Variants in ADAMTS9 observed in about 807,000 individuals in gnomAD.
ADAMTS9 encodes ADAM metallopeptidase with thrombospondin type 1 motif 9, also known as A disintegrin and metalloproteinase with thrombospondin motifs 9.
ADAMTS9 carries 107 observed loss-of-function variants against 257.1 expected under a neutral mutation model. That is an observed-to-expected ratio of 0.42 (90% CI 0.36 to 0.49). The LOEUF (loss-of-function observed/expected upper bound fraction) is 0.49, where lower values mean the gene tolerates loss of function less well. Among genes scored for constraint, ADAMTS9 ranks in the 20% least tolerant of loss-of-function variants. ADAMTS9 has a pLI of 0.03. For synonymous variants in ADAMTS9, 982 were observed against 880.9 expected (o/e 1.11, Z -2.03); for missense variants, 2,353 against 2,469.1 (o/e 0.95, Z 1.00).
chr3:64,567,541 C>T (rs17726803), intron 29 of ADAMTS9, among the ~76,000 whole-genome samples: 50,115 of 151,998 alleles, frequency 0.33, 8,836 homozygotes, highest in Non-Finnish European at 0.39. Flanking sequence ...TTGATATGAA[C>T]GGCTTTAGTT....
intron 28 of ADAMTS9, chr3:64,589,658 AC>A (rs1330875370): frequency 6.6e-6 from 1 of 152,122 alleles, no homozygotes; most frequent in Non-Finnish European, 1.5e-5. Context: ...TCATACAGGG[AC>A]CCTCCTTACC....
At chr3:64,549,091 C>G (rs2083238356) in intron 31 of ADAMTS9, among the ~76,000 whole-genome samples, 1 of 152,184 alleles carries the variant, frequency 6.6e-6, no homozygotes. Flanking sequence ...AGAGAGGATG[C>G]TGGTGCCAGT....
At chr3:64,562,623 A>T (rs371905890) in intron 29 of ADAMTS9, among the ~76,000 whole-genome samples, 1 of 152,320 alleles carries the variant, frequency 6.6e-6, no homozygotes, top group Middle Eastern at 3.4e-3. Context: ...GTATATTATT[A>T]CACTTAGCTA....
At chr3:64,593,628 A>G (rs1482512814) in intron 28 of ADAMTS9, among the ~76,000 whole-genome samples, 1 of 152,228 alleles carries the variant, frequency 6.6e-6, no homozygotes, top group Non-Finnish European at 1.5e-5. Context: ...GACTAGGACC[A>G]AAGCAAAAAA....
chr3:64,568,913 T>A (rs1391284220), intron 28 of ADAMTS9: 3 of 184,038 alleles, frequency 1.6e-5, no homozygotes, highest in African/African-American at 7.2e-5. Flanking sequence ...CTGACTGGGA[T>A]AAAGGTGCAT....
At chr3:64,613,227 G>A in intron 22 of ADAMTS9, 118 bp downstream of exon 22, 1 of 1,223,526 alleles carries the variant, frequency 8.2e-7, no homozygotes. Flanking sequence ...CCATGGAGGT[G>A]TCCTGCATGC....
chr3:64,624,274 C>T (rs1420931732), intron 16 of ADAMTS9, among the ~76,000 whole-genome samples: 2 of 131,720 alleles, frequency 1.5e-5, no homozygotes, highest in East Asian at 4.3e-4. Flanking sequence ...AAAAGAGAGA[C>T]AAAGAAAGAA....
chr3:64,683,213 G>A (rs1044445878), intron 2 of ADAMTS9, among the ~76,000 whole-genome samples: 10 of 152,166 alleles, frequency 6.6e-5, no homozygotes, highest in South Asian at 2.1e-4. Context: ...GAAAGAGCCA[G>A]GGAGCTCAGC....
chr3:64,566,121 A>T (rs1477189556), intron 29 of ADAMTS9, among the ~76,000 whole-genome samples: 2 of 152,186 alleles, frequency 1.3e-5, no homozygotes, highest in African/African-American at 4.8e-5. Flanking sequence ...GAAAGACCAG[A>T]TATAAAATCT....
At chr3:64,624,315 GAA>G (rs1700177638) in intron 16 of ADAMTS9, among the ~76,000 whole-genome samples, 1 of 151,140 alleles carries the variant, frequency 6.6e-6, no homozygotes, top group East Asian at 1.9e-4. Context: ...GGGAAGAAAA[GAA>G]AAAAGAAAAC....
chr3:64,588,287 T>C (rs1254927678), intron 28 of ADAMTS9: 1 of 152,162 alleles, frequency 6.6e-6, no homozygotes, highest in African/African-American at 2.4e-5. Flanking sequence ...ATTTGTTTAG[T>C]ATTGATTTAA....
At chr3:64,572,071 C>G (rs1179243382) in intron 28 of ADAMTS9, among the ~76,000 whole-genome samples, 1 of 135,050 alleles carries the variant, frequency 7.4e-6, no homozygotes, top group African/African-American at 3.1e-5. Context: ...CCTACTTTGC[C>G]AATAGGACTC....
chr3:64,622,227 G>A lies in ADAMTS9; in HGVS notation c.2657C>T (p.Pro886Leu). 1.2e-6 allele frequency: 2 copies of A among 1,613,770 alleles called. No individual in the cohort carries two copies. The highest frequency in any genetic ancestry group is 1.1e-5 in the South Asian group (1 of 91,036). ...GCAGGGTTTACTGCATGCTTGCCAT[G>A]GCCCATGACTGTTCCAGTAAAACTG... ...PQQFYWNSHG[P>L]WQACSKPCQG... is the part of the protein sequence containing the mutation. Residue 886 changes from proline (P) to leucine (L), a missense_variant, in exon 18 of 40, where the codon CCA (proline) becomes CTA (leucine). By Grantham distance (98) the Pro-to-Leu change is moderately conservative (BLOSUM62 -3). This residue lies in a region of ADAMTS9 where 1,402 missense variants were observed against 1,441.4 expected (regional missense o/e 0.97). Transcript: ENST00000498707.
At chr3:64,585,373 A>C (rs779039693) in intron 28 of ADAMTS9, among the ~76,000 whole-genome samples, 4 of 152,186 alleles carry the variant, frequency 2.6e-5, no homozygotes, top group Non-Finnish European at 5.9e-5. Flanking sequence ...AGGGGTGATG[A>C]GAGGAAGAGG....
chr3:64,642,407 T>C (rs969466627), intron 11 of ADAMTS9, among the ~76,000 whole-genome samples: 20 of 151,692 alleles, frequency 1.3e-4, no homozygotes, highest in African/African-American at 4.1e-4. Flanking sequence ...TAAACTATAA[T>C]GCTTTATTGC....
chr3:64,538,543 C>G (rs66726900), intron 37 of ADAMTS9, among the ~76,000 whole-genome samples: 6,228 of 149,708 alleles, frequency 0.042, 209 homozygotes, highest in East Asian at 0.12. Context: ...CAGACTTTTT[C>G]TGTTTATACA....
chr3:64,594,548 T>G (rs1295163212), intron 27 of ADAMTS9, 114 bp from the exon 28 acceptor site: 2 of 1,309,334 alleles, frequency 1.5e-6, no homozygotes, highest in African/African-American at 3.0e-5. Context: ...AAGGTAAGCC[T>G]CTGACAGATG....
chr3:64,586,371 G>A (rs998694809), intron 28 of ADAMTS9, among the ~76,000 whole-genome samples: 1 of 152,134 alleles, frequency 6.6e-6, no homozygotes, highest in South Asian at 2.1e-4. Flanking sequence ...CTGCTCCTTT[G>A]TGGATAACTG....
At chr3:64,603,813 C>G in intron 25 of ADAMTS9, 109 bp downstream of exon 25, 1 of 1,250,144 alleles carries the variant, frequency 8.0e-7, no homozygotes. Context: ...AAATCCAGCT[C>G]TGAAATATTA....
Sources: gnomAD v4.1 joint callset for allele counts (sites outside exome capture counted in the v4.1 genomes callset) on GRCh38, gnomAD v4.1.1 for gene constraint, gnomAD v4.1.1 regional missense constraint, MANE v1.5 for transcripts, NCBI Gene and HGNC (gene_info 2026-07-23, HGNC 2026-07-21) for gene names.